Variants in ABCG1 observed in about 807,000 individuals in gnomAD.
ABCG1 encodes the protein ATP-binding cassette sub-family G member 1.
In ABCG1, 29 loss-of-function variants were observed where a neutral mutation model predicts 69.2. The observed-to-expected ratio is 0.42, with a 90% confidence interval of 0.31 to 0.57. ABCG1 has a LOEUF of 0.57. ABCG1 is among the 20% of genes least tolerant of loss of function. The pLI is 0.15. For missense variants in ABCG1, 718 were observed against 898.1 expected, an observed-to-expected ratio of 0.80 and a Z score of 2.56; for synonymous variants, 370 against 374.8, an observed-to-expected ratio of 0.99 and a Z score of 0.15.
chr21:42,290,272 A>G, intron 11 of ABCG1, 54 bp downstream of exon 11: 1 of 1,580,926 alleles, frequency 6.3e-7, no homozygotes, highest in Non-Finnish European at 8.6e-7. Flanking sequence ...CTACCCAAGC[A>G]TGGGGGCCTG....
rs1569233790 is a variant in ABCG1, at chr21:42,279,449, T to TGG, written c.588+2504_588+2505insGG. 1.2e-3 allele frequency among the ~76,000 whole-genome samples: 182 copies of TGG among 152,250 alleles called. 1 individual carries two copies. The highest frequency in any genetic ancestry group is 4.1e-3 in the African/African-American group (171 of 41,550). On this transcript the variant is annotated intron_variant, in intron 5 of 14. Transcript: ENST00000398449. ...TAGAGCTGAGCACACGGGGGAGCCC[T>TGG]CCATCCTGGCCTCCTGGAACCCACC... is the stretch of plus-strand genomic sequence containing the variant.
chr21:42,274,862 C>A (rs1432967971), intron 4 of ABCG1, among the ~76,000 whole-genome samples: 2 of 152,184 alleles, frequency 1.3e-5, no homozygotes, highest in African/African-American at 4.8e-5. Flanking sequence ...AGAATCCTCC[C>A]ATTAAGAGGA....
At position 42,284,534 on chromosome 21, in the gene ABCG1, G is replaced by A. The variant is rs76816807; in HGVS notation, c.735-26G>A. The A allele has an allele frequency of 5.2e-4, 841 of 1,609,894 alleles. 2 individuals are homozygous for A. The African/African-American group carries it at 7.2e-3, about 14-fold the overall frequency. ...TGGCTAGTTCCTGCCGCCCGCAGGC[G>A]TCTCACGGTGCCTCTTGACTTGCAG... On this transcript the variant is annotated intron_variant, in intron 6 of 14. Coordinates refer to ENST00000398449, the MANE Select transcript of ABCG1 (RefSeq NM_016818.3).
chr21:42,259,637 T>C lies in ABCG1; in HGVS notation c.287-11433T>C, dbSNP rs1601405213. 5.6e-6 allele frequency: 8 copies of C among 1,435,764 alleles called. No individual in the cohort carries two copies. The South Asian group carries it at 1.2e-4, about 22-fold the overall frequency. 88.9% of individuals were successfully genotyped at this position (1,435,764 alleles called of 1,614,324 possible). On this transcript the variant is annotated intron_variant, in intron 2 of 14. Transcript: ENST00000398449. Reference sequence around the variant, plus strand: ...TAACTGTCACTCATTTGATAAAAACTGACAAGGTTGCTAGAGCCACGTGTT... The same window carrying C: ...TAACTGTCACTCATTTGATAAAAACCGACAAGGTTGCTAGAGCCACGTGTT...
At chr21:42,228,419 C>T (rs748263680) in intron 2 of ABCG1, among the ~76,000 whole-genome samples, 9 of 152,220 alleles carry the variant, frequency 5.9e-5, no homozygotes, top group Non-Finnish European at 1.3e-4. Flanking sequence ...CTGCGTCTGT[C>T]TTCCCTCTCC....
chr21:42,293,975 C>G (rs2069151599), intron 13 of ABCG1, among the ~76,000 whole-genome samples: 1 of 151,310 alleles, frequency 6.6e-6, no homozygotes, highest in African/African-American at 2.4e-5. Context: ...CACACACACA[C>G]TCCACACACA....
chr21:42,271,071 A>C lies in ABCG1; in HGVS notation c.288A>C (p.Gly96=). 6.5e-7 allele frequency: 1 copy of C among 1,535,650 alleles called. No individual in the cohort carries two copies. The highest frequency in any genetic ancestry group is 8.7e-7 in the Non-Finnish European group (1 of 1,145,476). ...TGAATATGATCTGCTTTTTTGCAGG[A>C]TACAAGACCCTCCTGAAAGGAATTT... ...VPEGPWWRKK[G]YKTLLKGISG... is the part of the protein sequence containing the mutation. The change falls in exon 3 of 15, where the codon GGA becomes GGC. Residue 96 remains glycine (G), a splice_region_variant and synonymous_variant. Transcript: ENST00000398449.
rs1601424760 is a variant in ABCG1, at chr21:42,273,091, C to A, written c.405-212C>A. On this transcript the variant is annotated intron_variant, in intron 3 of 14. Transcript: ENST00000398449. This position sits in a 1 kb window ranked among gnomAD's most constrained non-coding sequence, Gnocchi z 5.3. ...CCTGTGTGCAGCTTCCTCTTCCCAG[C>A]AGGAGCTTTCTCTGTGGAATGTCTT... Among the ~76,000 whole-genome samples the A allele has an allele frequency of 6.6e-6, 1 of 152,314 alleles. No homozygotes were observed. Among genetic ancestry groups the A allele is most frequent in the East Asian group, 1.9e-4 (1 of 5,184 alleles).
intron 5 of ABCG1, among the ~76,000 whole-genome samples, chr21:42,280,797 C>T (rs225410): frequency 0.52 from 79,669 of 152,136 alleles, 21,384 homozygotes; most frequent in Middle Eastern, 0.64. Context: ...ACTCAGTCGG[C>T]CAAGAGCGTC....
chr21:42,222,488 C>G (rs2067744644), intron 1 of ABCG1, among the ~76,000 whole-genome samples: 1 of 152,210 alleles, frequency 6.6e-6, no homozygotes, highest in African/African-American at 2.4e-5. Flanking sequence ...GAAACACCCA[C>G]AACTCACCCG....
chr21:42,257,099 T>A (rs1398073850), intron 2 of ABCG1, among the ~76,000 whole-genome samples: 1 of 152,280 alleles, frequency 6.6e-6, no homozygotes, highest in African/African-American at 2.4e-5. Flanking sequence ...AGTACTCATT[T>A]CATGCCCATT....
chr21:42,256,023 C>T, intron 2 of ABCG1: 1 of 573,240 alleles, frequency 1.7e-6, no homozygotes, highest in Non-Finnish European at 2.6e-6. Flanking sequence ...AGAGCAGTAG[C>T]AGCCATTAGG....
At position 42,291,260 on chromosome 21, in the gene ABCG1, T is replaced by C. The variant is rs1260674754; in HGVS notation, c.1494+68T>C. On this transcript the variant is annotated intron_variant, in intron 12 of 14. Coordinates refer to ENST00000398449, the MANE Select transcript of ABCG1 (RefSeq NM_016818.3). The surrounding 1 kb of genome is among the most constrained non-coding windows in gnomAD (Gnocchi z 6.4). ...TCTCCTGTACACCCTTTATATCGAG[T>C]AAGAGGACCTGCCAGGGATGCAGGG... 7.5e-7 allele frequency: 1 copy of C among 1,336,548 alleles called. No individual in the cohort carries two copies. The highest frequency in any genetic ancestry group is 1.4e-5 in the African/African-American group (1 of 69,260). 82.8% of individuals were successfully genotyped at this position (1,336,548 alleles called of 1,614,324 possible).
At chr21:42,251,543 T>G (rs200679670) in intron 2 of ABCG1, among the ~76,000 whole-genome samples, 1 of 151,530 alleles carries the variant, frequency 6.6e-6, no homozygotes, top group Non-Finnish European at 1.5e-5. Flanking sequence ...AAGGTTGGGA[T>G]GATAGGGTGG....
intron 2 of ABCG1, among the ~76,000 whole-genome samples, chr21:42,235,059 C>A (rs189705274): frequency 6.6e-6 from 1 of 152,110 alleles, no homozygotes; most frequent in African/African-American, 2.4e-5. Flanking sequence ...CATAGGGGAT[C>A]ACCCGGGCCA....
At chr21:42,238,237 G>A (rs921158249) in intron 2 of ABCG1, among the ~76,000 whole-genome samples, 3 of 152,134 alleles carry the variant, frequency 2.0e-5, no homozygotes, top group African/African-American at 7.2e-5. Flanking sequence ...CTTTTTGAGG[G>A]AGGAAGATGC....
At position 42,248,424 on chromosome 21, in the gene ABCG1, G is replaced by A. The variant is rs540808609; in HGVS notation, c.286+22510G>A. 2.3e-3 allele frequency among the ~76,000 whole-genome samples: 342 copies of A among 151,032 alleles called. 2 individuals are homozygous for A. The highest frequency in any genetic ancestry group is 8.0e-3 in the African/African-American group (330 of 41,468). On this transcript the variant is annotated intron_variant, in intron 2 of 14. Coordinates refer to ENST00000398449, the MANE Select transcript of ABCG1 (RefSeq NM_016818.3). ...GGAAGACTGTGAGGCACCACCCGTG[G>A]GGGGTGCAGGGCAGCTGCCACAGAC... is the stretch of plus-strand genomic sequence containing the variant.
At chr21:42,277,173 T>A (rs777999545) in intron 5 of ABCG1, among the ~76,000 whole-genome samples, 27 of 152,162 alleles carry the variant, frequency 1.8e-4, no homozygotes, top group Admixed American at 1.7e-3. Flanking sequence ...ATTCTCAGAT[T>A]CAGGAGTCGG....
At chr21:42,248,612 GT>G (rs2068170228) in intron 2 of ABCG1, among the ~76,000 whole-genome samples, 1 of 152,180 alleles carries the variant, frequency 6.6e-6, no homozygotes, top group Non-Finnish European at 1.5e-5. Flanking sequence ...AACCAGGCAG[GT>G]GCGGTGGCTC....
Sources: allele counts gnomAD v4.1 joint callset (sites outside exome capture counted in the v4.1 genomes callset), GRCh38; gene constraint gnomAD v4.1.1; non-coding constraint Gnocchi (gnomAD v3.1); transcripts MANE v1.5; gene names NCBI Gene and HGNC (gene_info 2026-07-23, HGNC 2026-07-21).